Variants in ZNF423 observed in about 807,000 individuals in gnomAD.
ZNF423 encodes the protein zinc finger protein 423, also known as Ebf-associated zinc finger protein.
In ZNF423, 12 loss-of-function variants were observed where a neutral mutation model predicts 95.8. That is an observed-to-expected ratio of 0.13 (90% CI 0.08 to 0.20). The LOEUF (loss-of-function observed/expected upper bound fraction) is 0.20, where lower values mean the gene tolerates loss of function less well. Among genes scored for constraint, ZNF423 ranks in the 10% least tolerant of loss-of-function variants. ZNF423 has a pLI of 1.00. For synonymous variants in ZNF423, 749 were observed against 711.9 expected (o/e 1.05, Z -0.83); for missense variants, 1,316 against 1,737.1 (o/e 0.76, Z 4.31).
At chr16:49,693,533 G>C (rs955670516) in intron 3 of ZNF423, among the ~76,000 whole-genome samples, 1 of 152,170 alleles carries the variant, frequency 6.6e-6, no homozygotes, top group Non-Finnish European at 1.5e-5. Context: ...GACCAGCCCT[G>C]TCTTCCTTGA....
rs1972821808 is a variant in ZNF423, at chr16:49,638,142, C to A, written c.1034G>T (p.Gly345Val). ...MCPEQFSSVEGVYCHLDSHRQ... is the reference protein window; with the variant it reads ...MCPEQFSSVEVVYCHLDSHRQ... Reference sequence around the variant, plus strand: ...GTGGCTGTCCAGGTGGCAGTAGACACCTTCCACTGAGGAGAACTGCTCAGG... The same window carrying A: ...GTGGCTGTCCAGGTGGCAGTAGACAACTTCCACTGAGGAGAACTGCTCAGG... Residue 345 changes from glycine to valine, a missense_variant, in exon 4 of 8, where the codon GGT becomes GTT. Gly to Val is a moderately radical substitution (Grantham distance 109). Coordinates refer to ENST00000563137, the MANE Select transcript of ZNF423 (RefSeq NM_001379286.1). The surrounding 1 kb of genome is among the most constrained non-coding windows in gnomAD (Gnocchi z 5.6). The A allele has an allele frequency of 6.2e-7, 1 of 1,611,556 alleles. No individual in the cohort carries two copies. Among genetic ancestry groups the A allele is most frequent in the Non-Finnish European group, 8.5e-7 (1 of 1,179,998 alleles).
chr16:49,677,328 G>A (rs1596837674), intron 3 of ZNF423, among the ~76,000 whole-genome samples: 2 of 53,392 alleles, frequency 3.7e-5, no homozygotes, highest in Non-Finnish European at 7.6e-5. Context: ...GAAGGGAGGG[G>A]AGGGGAGGGG....
intron 1 of ZNF423, among the ~76,000 whole-genome samples, chr16:49,843,560 T>C (rs374686836): frequency 1.3e-5 from 2 of 152,160 alleles, no homozygotes; most frequent in African/African-American, 4.8e-5. Context: ...TCCTATTTCA[T>C]AGAAAACTGA....
chr16:49,557,845 T>C (rs922888350), intron 5 of ZNF423, among the ~76,000 whole-genome samples: 1 of 152,150 alleles, frequency 6.6e-6, no homozygotes, highest in Non-Finnish European at 1.5e-5. Flanking sequence ...GTTCCAGCCC[T>C]GCAAGGAAGT....
Position 49,491,159 on chromosome 16 carries a change from TAG to T in ZNF423, c.*114_*115del, listed in dbSNP as rs1966941571. ...TAGCAGCGCCTCATGGCCAAATCAT[TAG>T]AGTTTTACATCTGGGTTGCAAATGA... On this transcript the variant is annotated 3_prime_UTR_variant, in exon 8 of 8. Transcript: ENST00000563137. 57 of 1,254,384 alleles carry T rather than the reference TAG, an allele frequency of 4.5e-5. No individual in the cohort carries two copies. In the South Asian group the frequency reaches 6.6e-4, roughly 14 times the overall value. The allele number at this position is 1,254,384 out of a possible 1,614,324, so 77.7% of individuals were successfully genotyped here.
chr16:49,565,981 T>C (rs966843573), intron 5 of ZNF423, among the ~76,000 whole-genome samples: 2 of 151,894 alleles, frequency 1.3e-5, no homozygotes, highest in Middle Eastern at 3.2e-3. Flanking sequence ...GAAAGCACCA[T>C]CTATCCATCC....
intron 5 of ZNF423, among the ~76,000 whole-genome samples, chr16:49,606,744 G>C (rs533571809): frequency 1.2e-4 from 19 of 152,298 alleles, no homozygotes; most frequent in Admixed American, 1.0e-3. Flanking sequence ...CCCTGGGATG[G>C]GTGAGAACAC....
At chr16:49,785,638 C>T (rs916832638) in intron 2 of ZNF423, among the ~76,000 whole-genome samples, 1 of 152,194 alleles carries the variant, frequency 6.6e-6, no homozygotes, top group Admixed American at 6.5e-5. Flanking sequence ...ACTCTGGACC[C>T]AGCCAGAATT....
chr16:49,812,747 T>C (rs910262183), intron 1 of ZNF423, among the ~76,000 whole-genome samples: 6 of 152,150 alleles, frequency 3.9e-5, no homozygotes, highest in Non-Finnish European at 8.8e-5. Flanking sequence ...TGGAATCATT[T>C]CTCACAGTCT....
intron 5 of ZNF423, among the ~76,000 whole-genome samples, chr16:49,548,389 T>G (rs1464034357): frequency 2.0e-5 from 3 of 152,180 alleles, no homozygotes; most frequent in Non-Finnish European, 4.4e-5. Context: ...TTATGCTATT[T>G]AATGGTACAA....
intron 5 of ZNF423, among the ~76,000 whole-genome samples, chr16:49,569,693 G>T (rs1970299386): frequency 6.6e-6 from 1 of 152,228 alleles, no homozygotes; most frequent in South Asian, 2.1e-4. Context: ...GGGGCTGGTT[G>T]TGTGGTGTAT....
At chr16:49,702,089 C>T (rs898121879) in intron 3 of ZNF423, among the ~76,000 whole-genome samples, 19 of 152,184 alleles carry the variant, frequency 1.2e-4, no homozygotes, top group South Asian at 4.1e-4. Context: ...AGGGGATGCC[C>T]GCAATAGAAA....
chr16:49,491,225 C>CGT lies in ZNF423; in HGVS notation c.*49_*50insAC. On this transcript the variant is annotated 3_prime_UTR_variant, in exon 8 of 8. Transcript: ENST00000563137. ...TGTAATGTTCAAATGGCCCTCCCCA[C>CGT]GGCGTCTCCGGCAAGCCTTCTGCGG... is the stretch of plus-strand genomic sequence containing the variant. 3 of 1,612,632 alleles carry CGT rather than the reference C, an allele frequency of 1.9e-6. No homozygotes were observed. The highest frequency in any genetic ancestry group is 2.5e-6 in the Non-Finnish European group (3 of 1,178,778).
intron 2 of ZNF423, among the ~76,000 whole-genome samples, chr16:49,736,273 G>A (rs2033284330): frequency 6.6e-6 from 1 of 152,174 alleles, no homozygotes; most frequent in Non-Finnish European, 1.5e-5. Context: ...GGTCAAAAAA[G>A]TTGAATATTG....
intron 1 of ZNF423, among the ~76,000 whole-genome samples, chr16:49,831,288 T>G (rs1425556245): frequency 6.6e-6 from 1 of 152,230 alleles, no homozygotes; most frequent in Non-Finnish European, 1.5e-5. Flanking sequence ...ATTTTATCTT[T>G]GTAAATCTCT....
At chr16:49,811,866 G>C (rs2034758847) in intron 1 of ZNF423, among the ~76,000 whole-genome samples, 1 of 152,184 alleles carries the variant, frequency 6.6e-6, no homozygotes, top group East Asian at 1.9e-4. Context: ...CCTGAGGCTG[G>C]CCAGCCACCG....
chr16:49,712,141 A>T (rs1489347988), intron 3 of ZNF423, among the ~76,000 whole-genome samples: 1 of 152,186 alleles, frequency 6.6e-6, no homozygotes, highest in Non-Finnish European at 1.5e-5. Flanking sequence ...ATAATAATAA[A>T]GAATACATTT....
chr16:49,657,564 G>C (rs1225906569), intron 3 of ZNF423, among the ~76,000 whole-genome samples: 1 of 152,242 alleles, frequency 6.6e-6, no homozygotes. Context: ...GCCCCCAGGG[G>C]CAACCTTCAC....
chr16:49,518,414 ACT>A (rs1188676524), intron 7 of ZNF423: 1 of 437,646 alleles, frequency 2.3e-6, no homozygotes, highest in African/African-American at 2.0e-5. Context: ...TAGAAAATTC[ACT>A]TTTTCTGTAC....
Sources: gnomAD v4.1 joint callset for allele counts (sites outside exome capture counted in the v4.1 genomes callset) on GRCh38, gnomAD v4.1.1 for gene constraint, Gnocchi (gnomAD v3.1) non-coding constraint, MANE v1.5 for transcripts, NCBI Gene and HGNC (gene_info 2026-07-23, HGNC 2026-07-21) for gene names.